The following KCMF1 variants were observed in gnomAD, a reference collection of about 807,000 sequenced individuals.
KCMF1 encodes potassium channel modulatory factor 1.
In KCMF1, 3 loss-of-function variants were observed where a neutral mutation model predicts 41.1. The ratio of observed to expected loss-of-function variants is 0.07; its 90% CI spans 0.03 to 0.19. KCMF1 has a LOEUF of 0.19. Ranked by LOEUF, KCMF1 falls within the 10% of genes least tolerant of loss-of-function variation. KCMF1 has a pLI of 1.00. For missense variants in KCMF1, 286 were observed against 488.9 expected (o/e 0.58, Z 3.91); for synonymous variants, 142 against 164.5 (o/e 0.86, Z 1.04).
intron 1 of KCMF1, among the ~76,000 whole-genome samples, chr2:85,020,031 C>T (rs1380882873): frequency 1.3e-5 from 2 of 152,202 alleles, no homozygotes; most frequent in East Asian, 3.9e-4. Context: ...GAGGCTACCA[C>T]CCCCTATCCC....
At chr2:85,004,495 G>A (rs1208892922) in intron 1 of KCMF1, among the ~76,000 whole-genome samples, 1 of 151,590 alleles carries the variant, frequency 6.6e-6, no homozygotes, top group Non-Finnish European at 1.5e-5. Context: ...CTGGGCGACA[G>A]AGCAAGACTC....
At chr2:85,023,538 G>T (rs1303438158) in intron 1 of KCMF1, among the ~76,000 whole-genome samples, 2 of 151,766 alleles carry the variant, frequency 1.3e-5, no homozygotes, top group East Asian at 1.9e-4. Context: ...AGCCAGGATG[G>T]TGTCGATCTA....
In KCMF1 at chr2:85,008,321, C is replaced by CATATG. The variant is rs1558573481; in HGVS notation, c.17-19564_17-19563insGATAT. 6.8e-4 allele frequency among the ~76,000 whole-genome samples: 30 copies of CATATG among 43,938 alleles called. 1 individual carries two copies. The highest frequency in any genetic ancestry group is 3.0e-3 in the African/African-American group (30 of 10,152). The allele number at this position is 43,938 out of a possible 152,430, so 28.8% of individuals were successfully genotyped here. A position where few individuals can be genotyped will look rare whatever the true frequency, so the allele number is the denominator to read the frequency against. ...ATAATATATAATATGATATATATAT[C>CATATG]ATATATAATATATAATATGATATAT... On this transcript the variant is annotated intron_variant, in intron 1 of 6. Coordinates refer to ENST00000409785, the MANE Select transcript of KCMF1 (RefSeq NM_020122.5).
chr2:85,054,089 TC>T lies in KCMF1; in HGVS notation c.*681del, dbSNP rs1284281636. On this transcript the variant is annotated 3_prime_UTR_variant, in exon 7 of 7. Coordinates refer to ENST00000409785, the MANE Select transcript of KCMF1 (RefSeq NM_020122.5). Reference sequence around the variant, plus strand: ...GTGGAGCTCAGCCTGTCTCTTTAACTCATCTGTAGAAGACACACCAGTAAAG... The same window carrying T: ...GTGGAGCTCAGCCTGTCTCTTTAACTATCTGTAGAAGACACACCAGTAAAG... 1 of 152,240 alleles carries T rather than the reference TC, an allele frequency of 6.6e-6. No homozygotes were observed. Among genetic ancestry groups the T allele is most frequent in the Non-Finnish European group, 1.5e-5 (1 of 68,056 alleles). 9.4% of individuals were successfully genotyped at this position (152,240 alleles called of 1,614,324 possible). A position where few individuals can be genotyped will look rare whatever the true frequency, so the allele number is the denominator to read the frequency against.
rs370562433 is a variant in KCMF1 at position 85,056,637 on chromosome 2, T to A, written c.*3228T>A. 2 of 152,190 alleles carry A rather than the reference T, an allele frequency of 1.3e-5. No homozygotes were observed. Among genetic ancestry groups the A allele is most frequent in the East Asian group, 3.8e-4 (2 of 5,198 alleles). The allele number at this position is 152,190 out of a possible 1,614,324, so 9.4% of individuals were successfully genotyped here. ...GGTAGCAGGTGGCTGCAGAAAAGAA[T>A]CTTTTGAATGGGATTCCTGTAACAG... On this transcript the variant is annotated 3_prime_UTR_variant, in exon 7 of 7. Coordinates refer to ENST00000409785, the MANE Select transcript of KCMF1 (RefSeq NM_020122.5).
intron 1 of KCMF1, among the ~76,000 whole-genome samples, chr2:84,978,933 C>G (rs967742340): frequency 1.3e-5 from 2 of 151,926 alleles, no homozygotes; most frequent in African/African-American, 4.8e-5. Context: ...AGGCTGGTCT[C>G]GAACTCCTGA....
rs546693306 is a variant in KCMF1 at position 85,002,997 on chromosome 2, T to G, written c.17-24892T>G. ...AAATGTTGTAGATATATCACAGTTATGAATCTTGTATGGTTATTAATGCAA... is the reference window on the plus strand; with the variant it reads ...AAATGTTGTAGATATATCACAGTTAGGAATCTTGTATGGTTATTAATGCAA... On this transcript the variant is annotated intron_variant, in intron 1 of 6. Transcript: ENST00000409785. Among the ~76,000 whole-genome samples, 5 of 152,332 alleles carry G rather than the reference T, an allele frequency of 3.3e-5. No homozygotes were observed. The East Asian group carries it at 9.6e-4, about 29-fold the overall frequency.
chr2:85,019,434 G>A (rs1317021208), intron 1 of KCMF1, among the ~76,000 whole-genome samples: 1 of 152,146 alleles, frequency 6.6e-6, no homozygotes, highest in Non-Finnish European at 1.5e-5. Flanking sequence ...AGAGACTTAG[G>A]TAGTATGGAA....
chr2:85,028,618 G>T (rs762150548), intron 2 of KCMF1, among the ~76,000 whole-genome samples: 13 of 149,488 alleles, frequency 8.7e-5, no homozygotes, highest in Non-Finnish European at 1.5e-4. Context: ...GCCTCCCAAG[G>T]AGCTGGGATT....
intron 2 of KCMF1, among the ~76,000 whole-genome samples, chr2:85,031,824 C>G (rs1415249081): frequency 6.6e-6 from 1 of 152,024 alleles, no homozygotes; most frequent in Non-Finnish European, 1.5e-5. Context: ...TCATTGCAGT[C>G]TCAATCTCAG....
chr2:85,001,960 ATGC>A (rs1323637340), intron 1 of KCMF1, among the ~76,000 whole-genome samples: 1 of 152,214 alleles, frequency 6.6e-6, no homozygotes, highest in Non-Finnish European at 1.5e-5. Context: ...TTATAACACA[ATGC>A]TATTTGTGGT....
intron 6 of KCMF1, among the ~76,000 whole-genome samples, chr2:85,052,578 G>A (rs183911691): frequency 1.3e-5 from 2 of 152,212 alleles, no homozygotes; most frequent in Admixed American, 1.3e-4. Context: ...GGTAGACCTT[G>A]TGTCTGCCCT....
In KCMF1 at chr2:85,035,159, A is replaced by G. The variant is rs1284203374; in HGVS notation, c.324+4A>G. The G allele has an allele frequency of 1.2e-6, 2 of 1,610,270 alleles. No homozygotes were observed. Among genetic ancestry groups the G allele is most frequent in the Non-Finnish European group, 1.7e-6 (2 of 1,178,426 alleles). ...TGCAGAAACATCAACAGAAGTGGTA[A>G]GTGAAGCAGCAACCTTATGACTAAA... On this transcript the variant is annotated splice_donor_region_variant and intron_variant, in intron 3 of 6. Coordinates refer to ENST00000409785, the MANE Select transcript of KCMF1 (RefSeq NM_020122.5).
intron 4 of KCMF1, among the ~76,000 whole-genome samples, 156 bp downstream of exon 4, chr2:85,043,821 A>C (rs774271376): frequency 6.6e-6 from 1 of 152,192 alleles, no homozygotes; most frequent in African/African-American, 2.4e-5. Flanking sequence ...AGTAGCTGGG[A>C]CTATAGGCAC....
intron 1 of KCMF1, among the ~76,000 whole-genome samples, chr2:85,005,396 C>T (rs1351076397): frequency 6.6e-6 from 1 of 151,984 alleles, no homozygotes; most frequent in Non-Finnish European, 1.5e-5. Context: ...TCATGCCATT[C>T]TCCTCCCTCA....
intron 4 of KCMF1, among the ~76,000 whole-genome samples, chr2:85,045,049 C>A (rs181374702): frequency 6.6e-6 from 1 of 152,232 alleles, no homozygotes; most frequent in African/African-American, 2.4e-5. Flanking sequence ...AAGTTTGAAA[C>A]CAACCTGGAC....
intron 1 of KCMF1, among the ~76,000 whole-genome samples, chr2:84,993,203 AAAG>A (rs1244922144): frequency 6.6e-6 from 1 of 152,034 alleles, no homozygotes; most frequent in African/African-American, 2.4e-5. Context: ...AAAAAAAAGA[AAAG>A]AAACAGGAAA....
At chr2:84,989,066 AG>A (rs1673973307) in intron 1 of KCMF1, among the ~76,000 whole-genome samples, 1 of 152,210 alleles carries the variant, frequency 6.6e-6, no homozygotes, top group South Asian at 2.1e-4. Context: ...AAAACCAGAT[AG>A]GGGACCAGAT....
intron 1 of KCMF1, among the ~76,000 whole-genome samples, chr2:84,980,812 T>G (rs1673717020): frequency 6.6e-6 from 1 of 152,062 alleles, no homozygotes; most frequent in Non-Finnish European, 1.5e-5. Context: ...GAATAATTTT[T>G]GAAATTTTTG....
Sources: gnomAD v4.1 joint callset for allele counts (sites outside exome capture counted in the v4.1 genomes callset) on GRCh38, gnomAD v4.1.1 for gene constraint, MANE v1.5 for transcripts, NCBI Gene and HGNC (gene_info 2026-07-23, HGNC 2026-07-21) for gene names.